The following SHISA9 variants were observed in gnomAD, a reference collection of about 807,000 sequenced individuals.
The protein encoded by SHISA9 is protein shisa-9.
A neutral mutation model predicts 38.0 loss-of-function variants in SHISA9; 13 were observed. The observed-to-expected ratio is 0.34, with a 90% confidence interval of 0.22 to 0.54. The LOEUF (loss-of-function observed/expected upper bound fraction) is 0.54. Among genes scored for constraint, SHISA9 ranks in the 20% least tolerant of loss-of-function variants. The probability of loss-of-function intolerance (pLI) is 0.91; values close to 1 mark genes in which losing one functional copy is unlikely to be tolerated. For synonymous variants in SHISA9, 275 were observed against 242.0 expected (o/e 1.14, Z -1.27); for missense variants, 538 against 575.8 (o/e 0.93, Z 0.67).
chr16:13,450,618 C>T, the SHISA9 span, among the ~76,000 whole-genome samples: 4 of 152,200 alleles, frequency 2.6e-5, no homozygotes, highest in Non-Finnish European at 5.9e-5. Flanking sequence ...ACACTGTCTC[C>T]AACCATTTTA....
chr16:13,513,670 G>T, the SHISA9 span, among the ~76,000 whole-genome samples: 1 of 152,152 alleles, frequency 6.6e-6, no homozygotes, highest in Non-Finnish European at 1.5e-5. Context: ...AAAAGAATGA[G>T]ATCATGTCCT....
chr16:13,125,333 T>C (rs2050247026), intron 2 of SHISA9, among the ~76,000 whole-genome samples: 1 of 152,220 alleles, frequency 6.6e-6, no homozygotes, highest in Admixed American at 6.5e-5. Flanking sequence ...CTGATTTTTC[T>C]GATGGCAACT....
At chr16:13,032,134 C>T (rs779207037) in intron 2 of SHISA9, among the ~76,000 whole-genome samples, 9 of 152,110 alleles carry the variant, frequency 5.9e-5, no homozygotes, top group Non-Finnish European at 1.0e-4. Context: ...TTTTAAGCCC[C>T]GCGTGCATTA....
intron 2 of SHISA9, among the ~76,000 whole-genome samples, chr16:13,143,405 T>C (rs1367226879): frequency 1.3e-5 from 2 of 152,144 alleles, no homozygotes; most frequent in Admixed American, 1.3e-4. Context: ...CCTATCCTTC[T>C]GGAATTCAGA....
rs147052043 is a variant in SHISA9, at chr16:13,170,064, G to C, written c.692-33330G>C. On this transcript the variant is annotated intron_variant, in intron 2 of 4. Transcript: ENST00000558583. ...CTAAAAATATAAAAATTAGCCAAGC[G>C]TGTTGGTGTATGCCTGTAATCCCAG... is the stretch of plus-strand genomic sequence containing the variant. Among the ~76,000 whole-genome samples the C allele has an allele frequency of 5.5e-3, 841 of 152,078 alleles. 11 individuals carry two copies. Among genetic ancestry groups the C allele is most frequent in the African/African-American group, 0.019 (802 of 41,476 alleles).
chr16:13,560,399 CTAAG>C, the SHISA9 span, among the ~76,000 whole-genome samples: 1 of 152,082 alleles, frequency 6.6e-6, no homozygotes, highest in Non-Finnish European at 1.5e-5. Flanking sequence ...AATCATGGAG[CTAAG>C]TATTGGTATC....
At chr16:13,499,993 A>C in the SHISA9 span, among the ~76,000 whole-genome samples, 1 of 152,212 alleles carries the variant, frequency 6.6e-6, no homozygotes, top group African/African-American at 2.4e-5. Context: ...GACACAGACA[A>C]GCAAGCAAAT....
chr16:13,265,974 T>G, the SHISA9 span, among the ~76,000 whole-genome samples: 5 of 152,322 alleles, frequency 3.3e-5, no homozygotes, highest in East Asian at 3.9e-4. Flanking sequence ...TTTCTGTTAT[T>G]AAGATATAAG....
chr16:13,383,468 G>T, the SHISA9 span, among the ~76,000 whole-genome samples: 1 of 152,218 alleles, frequency 6.6e-6, no homozygotes, highest in Admixed American at 6.5e-5. Flanking sequence ...GGTAGAGACA[G>T]AGAAAGACAA....
chr16:13,355,462 AG>A, the SHISA9 span, among the ~76,000 whole-genome samples: 1 of 151,978 alleles, frequency 6.6e-6, no homozygotes, highest in Non-Finnish European at 1.5e-5. Context: ...TGGATTGGGA[AG>A]AAGGGCGGCA....
chr16:13,106,586 G>A (rs1021585326), intron 2 of SHISA9, among the ~76,000 whole-genome samples: 2 of 152,114 alleles, frequency 1.3e-5, no homozygotes, highest in African/African-American at 4.8e-5. Context: ...AGTTTAGATA[G>A]GGTTTACCTT....
At chr16:12,908,668 G>A (rs758916973) in intron 1 of SHISA9, 29 of 1,536,198 alleles carry the variant, frequency 1.9e-5, no homozygotes, top group Middle Eastern at 3.5e-4. Context: ...AGAGAAGTAC[G>A]CGATGCCCTG....
chr16:13,258,429 A>G, the SHISA9 span: 12 of 152,366 alleles, frequency 7.9e-5, no homozygotes, highest in South Asian at 2.1e-4. Context: ...GATATGGCAT[A>G]TAACAGGTGA....
At chr16:13,188,178 C>T (rs967364375) in intron 2 of SHISA9, among the ~76,000 whole-genome samples, 3 of 152,178 alleles carry the variant, frequency 2.0e-5, no homozygotes, top group Non-Finnish European at 4.4e-5. Flanking sequence ...CAAAAAAGAG[C>T]AAACAAATTT....
the SHISA9 span, among the ~76,000 whole-genome samples, chr16:13,335,993 G>A: frequency 3.5e-4 from 54 of 152,290 alleles, 1 homozygote; most frequent in Middle Eastern, 6.8e-3. Flanking sequence ...CCTGACAACC[G>A]CCCATCTGGC....
intron 2 of SHISA9, among the ~76,000 whole-genome samples, chr16:13,053,111 C>T (rs1018369783): frequency 2.6e-5 from 4 of 151,904 alleles, no homozygotes; most frequent in African/African-American, 9.7e-5. Flanking sequence ...TTACAGGTGT[C>T]TGCTACCACA....
intron 2 of SHISA9, among the ~76,000 whole-genome samples, chr16:13,007,507 C>A (rs2072613954): frequency 6.6e-6 from 1 of 152,200 alleles, no homozygotes; most frequent in African/African-American, 2.4e-5. Flanking sequence ...CAACTTATCT[C>A]TCCCCTGCAG....
At chr16:13,284,629 G>C in the SHISA9 span, among the ~76,000 whole-genome samples, 1 of 152,024 alleles carries the variant, frequency 6.6e-6, no homozygotes, top group Non-Finnish European at 1.5e-5. Context: ...ACAGAGTCTT[G>C]CTCTGTCACC....
At chr16:12,947,264 T>G (rs1187259212) in intron 2 of SHISA9, among the ~76,000 whole-genome samples, 1 of 152,190 alleles carries the variant, frequency 6.6e-6, no homozygotes, top group Non-Finnish European at 1.5e-5. Flanking sequence ...ACAAGCGTGA[T>G]AAGGTACAGA....
Sources: allele counts gnomAD v4.1 joint callset (sites outside exome capture counted in the v4.1 genomes callset), GRCh38; gene constraint gnomAD v4.1.1; transcripts MANE v1.5; gene names NCBI Gene and HGNC (gene_info 2026-07-23, HGNC 2026-07-21).